Variants in SNX9 observed in about 807,000 individuals in gnomAD.
SNX9 encodes sorting nexin 9.
In SNX9, 44 loss-of-function variants were observed where a neutral mutation model predicts 89.4. That is an observed-to-expected ratio of 0.49 (90% CI 0.39 to 0.63). The LOEUF is 0.63. Ranked by LOEUF, SNX9 falls within the 30% of genes least tolerant of loss-of-function variation. The pLI, the probability that SNX9 is intolerant of heterozygous loss-of-function variation, is 0.00. For synonymous variants in SNX9, 236 were observed against 247.8 expected, an observed-to-expected ratio of 0.95 and a Z score of 0.45; for missense variants, 578 against 736.1, an observed-to-expected ratio of 0.79 and a Z score of 2.49.
At chr6:157,939,426 T>TA (rs3840369) in intron 16 of SNX9, among the ~76,000 whole-genome samples, 79 of 151,268 alleles carry the variant, frequency 5.2e-4, no homozygotes, top group East Asian at 1.2e-3. Context: ...TAAAAGGGAG[T>TA]AAAAAAAAAT....
At position 157,885,518 on chromosome 6, in the gene SNX9, G is replaced by C. The variant is rs940275469; in HGVS notation, c.300+10342G>C. ...TTTTGAGGAAAAGAGTTAAATTTTT[G>C]TCAGAAATTCTGGTTTAGATGTTCT... On this transcript the variant is annotated intron_variant, in intron 4 of 17. Transcript: ENST00000392185. 7.9e-5 allele frequency: 12 copies of C among 152,150 alleles called. 1 individual carries two copies. Among genetic ancestry groups the C allele is most frequent in the Admixed American group, 7.9e-4 (12 of 15,278 alleles). 9.4% of individuals were successfully genotyped at this position (152,150 alleles called of 1,614,324 possible).
chr6:157,872,914 T>A, intron 2 of SNX9, 188 bp from the exon 3 acceptor site: 1 of 444,714 alleles, frequency 2.2e-6, no homozygotes, highest in Non-Finnish European at 4.0e-6. Context: ...TTCTTGTTTT[T>A]AGGTTACATC....
intron 1 of SNX9, among the ~76,000 whole-genome samples, chr6:157,838,134 TC>T (rs1781620875): frequency 6.6e-6 from 1 of 151,960 alleles, no homozygotes; most frequent in South Asian, 2.1e-4. Flanking sequence ...CACCTCAGCC[TC>T]CCAAGTAGCT....
At chr6:157,834,650 G>A (rs1781549666) in intron 1 of SNX9, among the ~76,000 whole-genome samples, 1 of 152,016 alleles carries the variant, frequency 6.6e-6, no homozygotes, top group Non-Finnish European at 1.5e-5. Flanking sequence ...AACTGTTAGT[G>A]TCCACTTCTT....
intron 4 of SNX9, among the ~76,000 whole-genome samples, chr6:157,896,296 T>TAAAATA (rs1363849193): frequency 1.3e-5 from 2 of 152,244 alleles, no homozygotes; most frequent in African/African-American, 4.8e-5. Context: ...GTATTCCATT[T>TAAAATA]CAAATTAAAA....
chr6:157,909,813 G>T, intron 8 of SNX9, 23 bp downstream of exon 8: 1 of 1,613,304 alleles, frequency 6.2e-7, no homozygotes, highest in Admixed American at 1.7e-5. Flanking sequence ...GTTATCAAAA[G>T]CAGAATCATG....
At chr6:157,902,694 G>A (rs1425077928) in intron 6 of SNX9, among the ~76,000 whole-genome samples, 4 of 151,964 alleles carry the variant, frequency 2.6e-5, no homozygotes, top group East Asian at 1.9e-4. Context: ...TGAGACAGGC[G>A]TCTCGCTCTG....
intron 14 of SNX9, 77 bp downstream of exon 14, chr6:157,936,117 G>C (rs193130828): frequency 8.9e-6 from 10 of 1,125,488 alleles, no homozygotes; most frequent in Non-Finnish European, 1.3e-5. Flanking sequence ...ACCTGTCTTA[G>C]GACAAACGTC....
intron 1 of SNX9, among the ~76,000 whole-genome samples, chr6:157,831,941 G>T (rs1781486439): frequency 6.6e-6 from 1 of 152,132 alleles, no homozygotes; most frequent in East Asian, 1.9e-4. Context: ...CAGAGGGAAA[G>T]GTCAAAAAGT....
chr6:157,929,926 T>G (rs1490903877), intron 12 of SNX9, among the ~76,000 whole-genome samples: 2 of 152,246 alleles, frequency 1.3e-5, no homozygotes, highest in African/African-American at 4.8e-5. Flanking sequence ...GCACCATATT[T>G]GGCTTGCCAC....
intron 5 of SNX9, among the ~76,000 whole-genome samples, chr6:157,899,377 A>AT (rs1450082919): frequency 5.9e-5 from 9 of 152,196 alleles, no homozygotes; most frequent in African/African-American, 1.9e-4. Context: ...TTGTAAATGT[A>AT]TAAGACTAGA....
intron 4 of SNX9, among the ~76,000 whole-genome samples, chr6:157,890,828 G>C (rs756285842): frequency 2.0e-5 from 3 of 152,074 alleles, no homozygotes; most frequent in Non-Finnish European, 4.4e-5. Context: ...GCATAGAAGA[G>C]TTAAACGAAT....
chr6:157,834,203 C>CTGT (rs1163612634), intron 1 of SNX9, among the ~76,000 whole-genome samples: 5 of 102,958 alleles, frequency 4.9e-5, no homozygotes, highest in African/African-American at 1.8e-4. Context: ...GGTCTCTCTT[C>CTGT]TGTTGCCCAG....
chr6:157,894,106 CTTTTTTTTTTT>C (rs746909411), intron 4 of SNX9, among the ~76,000 whole-genome samples: 2 of 89,564 alleles, frequency 2.2e-5, no homozygotes, highest in African/African-American at 9.1e-5. Context: ...CTTTTCTTTT[CTTTTTTTTTTT>C]TTTTTTTTTT....
chr6:157,927,216 TGA>T lies in SNX9; in HGVS notation c.1184+7_1184+8del. The T allele has an allele frequency of 6.3e-7, 1 of 1,595,884 alleles. No individual in the cohort carries two copies. Among genetic ancestry groups the T allele is most frequent in the African/African-American group, 1.3e-5 (1 of 74,562 alleles). Reference sequence around the variant, plus strand: ...ACCTGACTTGGACTTAGTAGAAATGTGAGAGACGCTGCCAGGTTTTCTTTCTT... The same window carrying T: ...ACCTGACTTGGACTTAGTAGAAATGTGAGACGCTGCCAGGTTTTCTTTCTT... On this transcript the variant is annotated splice_donor_region_variant and intron_variant, in intron 11 of 17. Transcript: ENST00000392185.
At chr6:157,916,739 A>G (rs1194127304) in intron 9 of SNX9, among the ~76,000 whole-genome samples, 1 of 152,200 alleles carries the variant, frequency 6.6e-6, no homozygotes, top group African/African-American at 2.4e-5. Flanking sequence ...TCAGCTTTCC[A>G]TTGCTGAACC....
At chr6:157,842,934 G>C (rs1326701109) in intron 1 of SNX9, among the ~76,000 whole-genome samples, 1 of 152,182 alleles carries the variant, frequency 6.6e-6, no homozygotes, top group African/African-American at 2.4e-5. Flanking sequence ...GGTCTTTTCA[G>C]GAAAGGGCTG....
chr6:157,874,958 A>G (rs1289255122), intron 3 of SNX9, 93 bp from the exon 4 acceptor site: 3 of 1,426,250 alleles, frequency 2.1e-6, no homozygotes, highest in Admixed American at 2.2e-5. Flanking sequence ...ATTGAAGAAT[A>G]TAAACCCTTT....
intron 1 of SNX9, among the ~76,000 whole-genome samples, chr6:157,850,643 C>A (rs1781893122): frequency 6.6e-6 from 1 of 152,112 alleles, no homozygotes; most frequent in Non-Finnish European, 1.5e-5. Flanking sequence ...TGTTATGTAA[C>A]CCCCAAGAGC....
Sources: gnomAD v4.1 joint callset for allele counts (sites outside exome capture counted in the v4.1 genomes callset) on GRCh38, gnomAD v4.1.1 for gene constraint, MANE v1.5 for transcripts, NCBI Gene and HGNC (gene_info 2026-07-23, HGNC 2026-07-21) for gene names.